Variants in COBL observed in about 807,000 individuals in gnomAD.
The protein encoded by COBL is protein cordon-bleu.
A neutral mutation model predicts 98.8 loss-of-function variants in COBL; 51 were observed. The ratio of observed to expected loss-of-function variants is 0.52; its 90% CI spans 0.41 to 0.65. COBL has a LOEUF of 0.65. COBL is among the 30% of genes least tolerant of loss of function. The pLI is 0.00. For missense variants in COBL, 1,617 were observed against 1,617.5 expected (o/e 1.00, Z 0.01); for synonymous variants, 634 against 651.7 (o/e 0.97, Z 0.41).
chr7:51,312,426 T>C (rs553866552), intron 1 of COBL, among the ~76,000 whole-genome samples: 212 of 152,358 alleles, frequency 1.4e-3, no homozygotes, highest in African/African-American at 4.7e-3. Flanking sequence ...CACATTTGTA[T>C]GTCCTTGATC....
At chr7:51,157,408 A>C (rs1170693981) in intron 5 of COBL, among the ~76,000 whole-genome samples, 18 of 152,016 alleles carry the variant, frequency 1.2e-4, no homozygotes, top group Non-Finnish European at 2.5e-4. Context: ...AATGCCAGAG[A>C]ATTTGGAGTT....
At chr7:51,105,958 T>C (rs1232232087) in intron 6 of COBL, among the ~76,000 whole-genome samples, 1 of 150,202 alleles carries the variant, frequency 6.7e-6, no homozygotes, top group Non-Finnish European at 1.5e-5. Flanking sequence ...CCAGAAAGAA[T>C]ACATCCACCC....
intron 5 of COBL, among the ~76,000 whole-genome samples, chr7:51,138,762 C>T (rs1562955890): frequency 6.6e-6 from 1 of 152,214 alleles, no homozygotes; most frequent in African/African-American, 2.4e-5. Flanking sequence ...CACACCTGTA[C>T]CCATGCCACC....
chr7:51,294,317 TAAATAAATAAATAA>T (rs1351252783), intron 1 of COBL, among the ~76,000 whole-genome samples: 4,009 of 146,298 alleles, frequency 0.027, 179 homozygotes, highest in African/African-American at 0.095. Flanking sequence ...AATAAATAAA[TAAATAAATAAATAA>T]AAATAAATAA....
chr7:51,216,166 G>A (rs1284937585), intron 2 of COBL, among the ~76,000 whole-genome samples: 1 of 152,186 alleles, frequency 6.6e-6, no homozygotes. Context: ...ACACCCTTTT[G>A]TAAAGGGCTC....
At chr7:51,129,386 T>G (rs557452373) in intron 6 of COBL, among the ~76,000 whole-genome samples, 2 of 151,962 alleles carry the variant, frequency 1.3e-5, no homozygotes, top group Non-Finnish European at 1.5e-5. Flanking sequence ...TCAACCCTCA[T>G]GACCTCATCA....
chr7:51,214,842 C>T (rs574479533), intron 2 of COBL, among the ~76,000 whole-genome samples: 2 of 152,282 alleles, frequency 1.3e-5, no homozygotes, highest in East Asian at 1.9e-4. Flanking sequence ...CAGTGGCACA[C>T]GCAGTCTTGT....
chr7:51,081,622 G>C (rs887701151), intron 7 of COBL, among the ~76,000 whole-genome samples: 1 of 152,192 alleles, frequency 6.6e-6, no homozygotes, highest in African/African-American at 2.4e-5. Context: ...AGGAGAAAGC[G>C]AGGGTCTGCA....
chr7:51,082,586 G>A (rs1267517293), intron 7 of COBL, among the ~76,000 whole-genome samples: 2 of 152,206 alleles, frequency 1.3e-5, no homozygotes, highest in African/African-American at 4.8e-5. Flanking sequence ...CTTTTCCATA[G>A]AGAAGCAGTG....
At chr7:51,131,521 T>C (rs1798732843) in intron 6 of COBL, among the ~76,000 whole-genome samples, 2 of 151,774 alleles carry the variant, frequency 1.3e-5, no homozygotes, top group South Asian at 4.2e-4. Context: ...TAATATAGAG[T>C]ATTGTGTCAA....
intron 7 of COBL, among the ~76,000 whole-genome samples, chr7:51,081,386 G>A (rs1346018004): frequency 6.6e-6 from 1 of 152,198 alleles, no homozygotes; most frequent in African/African-American, 2.4e-5. Context: ...GAGCCACAAG[G>A]CAAGACGAAG....
rs773024033 is a variant in COBL at position 51,193,564 on chromosome 7, C to G, written c.271G>C (p.Glu91Gln). The G allele has an allele frequency of 2.4e-5, 38 of 1,613,984 alleles. No homozygotes were observed. In the Admixed American group the frequency reaches 6.3e-4, roughly 27 times the overall value. The change falls in exon 3 of 13, where the codon GAA becomes CAA. Residue 91 changes from glutamate (E) to glutamine (Q), a missense_variant. Around this residue, in one of 3 missense-constraint regions of COBL, gnomAD observed 238 missense variants for 215.0 expected, o/e 1.11. Transcript: ENST00000265136. The part of the protein sequence containing the change: ...GSHAMMDLLV[E>Q]LCLQNHLNPS... Reference sequence around the variant, plus strand: ...TTCAGGTGGTTCTGAAGGCAAAGTTCAACCAGTAGGTCCATCATCGCATGG... The same window carrying G: ...TTCAGGTGGTTCTGAAGGCAAAGTTGAACCAGTAGGTCCATCATCGCATGG...
rs191374001 is a variant in COBL, at chr7:51,156,252, C to T, written c.784-19921G>A. ...AGAAGGCAAATTAATTCCTTTCTTA[C>T]CCTTTTATTTTTCTTGTTGTGGTTC... On this transcript the variant is annotated intron_variant, in intron 5 of 12. Transcript: ENST00000265136. The T allele has an allele frequency of 2.5e-5, 25 of 984,968 alleles. No individual in the cohort carries two copies. The Middle Eastern group carries it at 1.6e-3, about 62-fold the overall frequency. 61.0% of individuals were successfully genotyped at this position (984,968 alleles called of 1,614,324 possible).
At chr7:51,172,957 T>A (rs566068304) in intron 5 of COBL, among the ~76,000 whole-genome samples, 1 of 151,756 alleles carries the variant, frequency 6.6e-6, no homozygotes, top group Non-Finnish European at 1.5e-5. Flanking sequence ...CCCAGCTAAT[T>A]TTTGTATTTT....
intron 2 of COBL, 43 bp downstream of exon 2, chr7:51,219,698 G>GA: frequency 6.3e-7 from 1 of 1,580,254 alleles, no homozygotes; most frequent in South Asian, 1.1e-5. Context: ...CGCTATACTC[G>GA]CAAAGTGAGT....
intron 2 of COBL, among the ~76,000 whole-genome samples, chr7:51,204,147 G>GA (rs2129068474): frequency 6.6e-6 from 1 of 152,254 alleles, no homozygotes; most frequent in East Asian, 1.9e-4. Context: ...AATGGATACA[G>GA]AAAAAGCATC....
At chr7:51,243,242 T>C (rs1795966256) in intron 1 of COBL, among the ~76,000 whole-genome samples, 1 of 152,184 alleles carries the variant, frequency 6.6e-6, no homozygotes, top group Non-Finnish European at 1.5e-5. Context: ...GCTGCACTGA[T>C]GTGAAGGCAG....
At chr7:51,276,701 G>A (rs1288266501) in intron 1 of COBL, among the ~76,000 whole-genome samples, 1 of 152,182 alleles carries the variant, frequency 6.6e-6, no homozygotes, top group African/African-American at 2.4e-5. Context: ...AGCTGTGTGG[G>A]GCAAAGGGGA....
At chr7:51,191,945 T>A (rs1584117935) in intron 3 of COBL, among the ~76,000 whole-genome samples, 1 of 152,154 alleles carries the variant, frequency 6.6e-6, no homozygotes, top group Admixed American at 6.5e-5. Context: ...GGGATAACAA[T>A]GCATTTTGGG....
Sources: allele counts gnomAD v4.1 joint callset (sites outside exome capture counted in the v4.1 genomes callset), GRCh38; gene constraint gnomAD v4.1.1; regional missense constraint gnomAD v4.1.1; transcripts MANE v1.5; gene names NCBI Gene and HGNC (gene_info 2026-07-23, HGNC 2026-07-21).